Variants in ATXN7L1 observed in about 807,000 individuals in gnomAD.
The protein encoded by ATXN7L1 is ataxin 7 like 1, also known as ataxin-7-like protein 1.
ATXN7L1 carries 15 observed loss-of-function variants against 70.8 expected under a neutral mutation model. The ratio of observed to expected loss-of-function variants is 0.21; its 90% CI spans 0.14 to 0.33. The LOEUF is 0.33. Among genes scored for constraint, ATXN7L1 ranks in the 10% least tolerant of loss-of-function variants. The probability of loss-of-function intolerance (pLI) is 1.00; values close to 1 mark genes in which losing one functional copy is unlikely to be tolerated. For missense variants in ATXN7L1, 975 were observed against 1,097.1 expected (o/e 0.89, Z 1.57); for synonymous variants, 440 against 445.1 (o/e 0.99, Z 0.14).
chr7:105,829,543 A>T, intron 2 of ATXN7L1, among the ~76,000 whole-genome samples: 1 of 152,210 alleles, frequency 6.6e-6, no homozygotes, highest in South Asian at 2.1e-4. Context: ...GAAGGAGGGG[A>T]AATACTGGGG....
chr7:105,802,171 C>T (rs187078636), intron 2 of ATXN7L1, among the ~76,000 whole-genome samples: 1 of 152,250 alleles, frequency 6.6e-6, no homozygotes, highest in African/African-American at 2.4e-5. Flanking sequence ...CCAAGTGGAA[C>T]GAGTCAAGGC....
intron 1 of ATXN7L1, 55 bp downstream of exon 1, chr7:105,876,323 G>A (rs1819298224): frequency 6.6e-7 from 1 of 1,510,328 alleles, no homozygotes; most frequent in Admixed American, 2.2e-5. Context: ...GTGGCTCTAG[G>A]TGAATGGAAA....
chr7:105,753,962 C>T (rs191698089), intron 3 of ATXN7L1, among the ~76,000 whole-genome samples: 3 of 149,472 alleles, frequency 2.0e-5, no homozygotes, highest in Non-Finnish European at 4.5e-5. Context: ...GATCTAGTTA[C>T]AGCTCTGCCC....
At chr7:105,744,643 T>A (rs1798369531) in intron 3 of ATXN7L1, among the ~76,000 whole-genome samples, 1 of 151,590 alleles carries the variant, frequency 6.6e-6, no homozygotes, top group African/African-American at 2.4e-5. Flanking sequence ...AGACTTGTAA[T>A]CTTTAAAAAC....
chr7:105,714,342 A>C (rs554230429), intron 3 of ATXN7L1, among the ~76,000 whole-genome samples: 2 of 152,320 alleles, frequency 1.3e-5, no homozygotes, highest in South Asian at 4.1e-4. Flanking sequence ...CACCCTCCTG[A>C]CCAGCTGAAT....
At chr7:105,725,501 T>A (rs1040173154) in intron 3 of ATXN7L1, among the ~76,000 whole-genome samples, 43 of 152,162 alleles carry the variant, frequency 2.8e-4, no homozygotes, top group Admixed American at 3.9e-4. Context: ...GTGCATGGAT[T>A]GGCAGGTAGA....
At chr7:105,766,532 T>C (rs1191718852) in intron 3 of ATXN7L1, among the ~76,000 whole-genome samples, 1 of 152,174 alleles carries the variant, frequency 6.6e-6, no homozygotes, top group African/African-American at 2.4e-5. Context: ...AATGCACCTA[T>C]CAATGACACA....
At chr7:105,620,028 C>A (rs117385374) in intron 9 of ATXN7L1, among the ~76,000 whole-genome samples, 172 bp downstream of exon 9, 1,566 of 152,284 alleles carry the variant, frequency 0.01, 10 homozygotes, top group Non-Finnish European at 0.018. Context: ...TTTCTCAAAA[C>A]CTTCAGGCAA....
intron 2 of ATXN7L1, among the ~76,000 whole-genome samples, chr7:105,867,174 C>T (rs1585192108): frequency 6.6e-6 from 1 of 152,124 alleles, no homozygotes; most frequent in Non-Finnish European, 1.5e-5. Flanking sequence ...GGTCAGAAGG[C>T]CTCAGGAATC....
intron 3 of ATXN7L1, among the ~76,000 whole-genome samples, chr7:105,733,676 A>ATCTATGCT (rs1563049238): frequency 5.6e-5 from 7 of 125,132 alleles, no homozygotes; most frequent in African/African-American, 1.3e-4. Context: ...CCATCCATCC[A>ATCTATGCT]TCCACCCATC....
chr7:105,712,607 AG>A (rs903693422), intron 3 of ATXN7L1, among the ~76,000 whole-genome samples: 1 of 152,166 alleles, frequency 6.6e-6, no homozygotes, highest in Non-Finnish European at 1.5e-5. Context: ...TCCCTAGGGC[AG>A]GGGGGAAATG....
At chr7:105,658,946 G>C (rs1257801415) in intron 4 of ATXN7L1, among the ~76,000 whole-genome samples, 1 of 152,214 alleles carries the variant, frequency 6.6e-6, no homozygotes, top group African/African-American at 2.4e-5. Flanking sequence ...AGACCAGGCT[G>C]GCTAAGATGG....
intron 3 of ATXN7L1, among the ~76,000 whole-genome samples, chr7:105,746,062 C>T (rs528198992): frequency 3.2e-4 from 48 of 152,300 alleles, no homozygotes; most frequent in Non-Finnish European, 6.0e-4. Context: ...ATCTAACCTC[C>T]TGTTGTTCTC....
At chr7:105,801,518 C>T (rs756945660) in intron 2 of ATXN7L1, among the ~76,000 whole-genome samples, 19 of 152,148 alleles carry the variant, frequency 1.2e-4, no homozygotes, top group African/African-American at 4.3e-4. Flanking sequence ...TGGAGACACC[C>T]GCTGATATAT....
chr7:105,830,182 A>G (rs1293290513), intron 2 of ATXN7L1, among the ~76,000 whole-genome samples: 2 of 152,234 alleles, frequency 1.3e-5, no homozygotes. Context: ...GTCTGTCCCT[A>G]TAACTGGAGC....
At chr7:105,745,816 T>C (rs66784942) in intron 3 of ATXN7L1, among the ~76,000 whole-genome samples, 14,191 of 152,254 alleles carry the variant, frequency 0.093, 675 homozygotes, top group Non-Finnish European at 0.11. Flanking sequence ...TCCCATCTGT[T>C]CCCAGGGCTC....
intron 3 of ATXN7L1, 35 bp from the exon 4 acceptor site, chr7:105,665,323 A>G (rs1358532539): frequency 6.6e-7 from 1 of 1,507,700 alleles, no homozygotes; most frequent in Non-Finnish European, 9.0e-7. Flanking sequence ...TCAGCACAGC[A>G]TCTGTAGCAG....
At chr7:105,660,357 C>T (rs887253335) in intron 4 of ATXN7L1, among the ~76,000 whole-genome samples, 10 of 152,116 alleles carry the variant, frequency 6.6e-5, no homozygotes, top group Non-Finnish European at 1.3e-4. Context: ...ATCTGGGCCT[C>T]ACTCCCCTAC....
At chr7:105,692,789 G>A (rs1287841711) in intron 3 of ATXN7L1, among the ~76,000 whole-genome samples, 1 of 152,044 alleles carries the variant, frequency 6.6e-6, no homozygotes, top group African/African-American at 2.4e-5. Flanking sequence ...CCAGGCTGAA[G>A]TGCAGTGGTG....
Sources: gnomAD v4.1 joint callset for allele counts (sites outside exome capture counted in the v4.1 genomes callset) on GRCh38, gnomAD v4.1.1 for gene constraint, MANE v1.5 for transcripts, NCBI Gene and HGNC (gene_info 2026-07-23, HGNC 2026-07-21) for gene names.